The following KIF26B variants were observed in gnomAD, a reference collection of about 807,000 sequenced individuals.
KIF26B encodes kinesin family member 26B.
KIF26B carries 63 observed loss-of-function variants against 151.2 expected under a neutral mutation model. The ratio of observed to expected loss-of-function variants is 0.42; its 90% CI spans 0.34 to 0.51. The LOEUF is 0.51. Ranked by LOEUF, KIF26B falls within the 20% of genes least tolerant of loss-of-function variation. The pLI, the probability that KIF26B is intolerant of heterozygous loss-of-function variation, is 0.07. For missense variants in KIF26B, 2,813 were observed against 2,913.6 expected, an observed-to-expected ratio of 0.97 and a Z score of 0.79; for synonymous variants, 1,357 against 1,262.1, an observed-to-expected ratio of 1.08 and a Z score of -1.59.
intron 2 of KIF26B, among the ~76,000 whole-genome samples, chr1:245,225,578 C>T (rs1669857904): frequency 6.6e-6 from 1 of 152,200 alleles, no homozygotes; most frequent in Admixed American, 6.5e-5. Flanking sequence ...TTCTGTGGGG[C>T]TACCCTCACC....
intron 5 of KIF26B, among the ~76,000 whole-genome samples, chr1:245,570,328 T>C (rs2043055156): frequency 6.6e-6 from 1 of 152,196 alleles, no homozygotes; most frequent in Non-Finnish European, 1.5e-5. Flanking sequence ...AGCATCATTT[T>C]TGTGTTTCTT....
Position 245,373,728 on chromosome 1 carries a change from C to T in KIF26B, c.999+6361C>T, listed in dbSNP as rs548521695. 4.6e-5 allele frequency among the ~76,000 whole-genome samples: 7 copies of T among 152,088 alleles called. No individual in the cohort carries two copies. In the East Asian group the frequency reaches 5.8e-4, roughly 13 times the overall value. On this transcript the variant is annotated intron_variant, in intron 3 of 14. Transcript: ENST00000407071. ...TCTATTACAGCTTTAGAAATGATTG[C>T]GCCTATGAAGCACAGCCATTACTGG...
intron 10 of KIF26B, among the ~76,000 whole-genome samples, chr1:245,648,678 C>T (rs1444312967): frequency 3.9e-5 from 6 of 152,032 alleles, no homozygotes; most frequent in South Asian, 2.1e-4. Flanking sequence ...GTTCAAGCTT[C>T]GTGTTAATTA....
intron 2 of KIF26B, among the ~76,000 whole-genome samples, chr1:245,215,209 A>T (rs967827926): frequency 1.3e-5 from 2 of 152,020 alleles, no homozygotes; most frequent in African/African-American, 4.8e-5. Context: ...TGGGTGCCAG[A>T]TGGCAGCCAC....
intron 2 of KIF26B, among the ~76,000 whole-genome samples, chr1:245,295,847 T>C (rs1170548895): frequency 2.0e-5 from 3 of 152,084 alleles, no homozygotes; most frequent in African/African-American, 7.2e-5. Context: ...GAGGGTGGCT[T>C]GGGTGGATTT....
chr1:245,271,878 T>C lies in KIF26B; in HGVS notation c.466-94956T>C, dbSNP rs145241413. On this transcript the variant is annotated intron_variant, in intron 2 of 14. Transcript: ENST00000407071. ...TAATGCTAGCCTCAAAAAACAAGTT[T>C]GGAAGTGTTCCCTTCTCTTCATTTT... is the stretch of plus-strand genomic sequence containing the variant. Among the ~76,000 whole-genome samples, 884 of 152,324 alleles carry C rather than the reference T, an allele frequency of 5.8e-3. 14 individuals carry two copies. Among genetic ancestry groups the C allele is most frequent in the African/African-American group, 0.02 (829 of 41,588 alleles).
At chr1:245,376,170 C>T (rs567036615) in intron 3 of KIF26B, among the ~76,000 whole-genome samples, 143 of 152,274 alleles carry the variant, frequency 9.4e-4, no homozygotes, top group Admixed American at 1.5e-3. Flanking sequence ...GCCTTTTGAT[C>T]TGATAGAAGG....
At position 245,660,300 on chromosome 1, in the gene KIF26B, G is replaced by C. The variant is rs2044121172; in HGVS notation, c.2258+14020G>C. 1.4e-5 allele frequency among the ~76,000 whole-genome samples: 2 copies of C among 140,032 alleles called. 1 individual carries two copies. The highest frequency in any genetic ancestry group is 1.4e-4 in the Admixed American group (2 of 13,846). The allele number at this position is 140,032 out of a possible 152,430, so 91.9% of individuals were successfully genotyped here. ...CTAAGTACAGGGAAGTTCTGGGCAT[G>C]TTCATTTGCCATTTATTAATTTCTG... is the stretch of plus-strand genomic sequence containing the variant. On this transcript the variant is annotated intron_variant, in intron 10 of 14. Coordinates refer to ENST00000407071, the MANE Select transcript of KIF26B (RefSeq NM_018012.4).
At chr1:245,315,519 C>T (rs923346962) in intron 2 of KIF26B, among the ~76,000 whole-genome samples, 1 of 151,880 alleles carries the variant, frequency 6.6e-6, no homozygotes, top group Non-Finnish European at 1.5e-5. Flanking sequence ...GTCAGGAGTT[C>T]AAGACCAGCC....
intron 5 of KIF26B, among the ~76,000 whole-genome samples, chr1:245,565,446 G>A (rs570841120): frequency 2.6e-5 from 4 of 152,062 alleles, no homozygotes; most frequent in South Asian, 2.1e-4. Context: ...GCACCACCAC[G>A]CCCAGCTAAT....
At chr1:245,371,930 A>G (rs1435572319) in intron 3 of KIF26B, among the ~76,000 whole-genome samples, 1 of 152,244 alleles carries the variant, frequency 6.6e-6, no homozygotes, top group Non-Finnish European at 1.5e-5. Flanking sequence ...ATAGGAGATT[A>G]TAAGACGGGC....
Position 245,707,769 on chromosome 1 carries a change from C to A in KIF26B, c.*5163C>A, listed in dbSNP as rs1162425914. On this transcript the variant is annotated 3_prime_UTR_variant, in exon 15 of 15. Transcript: ENST00000407071. Reference sequence around the variant, plus strand: ...AGCAGCCAAATGGGAAAGATCCCTTCGTTTTGAATTTGATGAGAATGGGCT... The same window carrying A: ...AGCAGCCAAATGGGAAAGATCCCTTAGTTTTGAATTTGATGAGAATGGGCT... 6.6e-6 allele frequency: 1 copy of A among 152,172 alleles called. No homozygotes were observed. The highest frequency in any genetic ancestry group is 1.5e-5 in the Non-Finnish European group (1 of 68,046). 9.4% of individuals were successfully genotyped at this position (152,172 alleles called of 1,614,324 possible).
chr1:245,274,017 T>G (rs755814983), intron 2 of KIF26B, among the ~76,000 whole-genome samples: 8 of 152,178 alleles, frequency 5.3e-5, no homozygotes, highest in Non-Finnish European at 1.0e-4. Context: ...TTTTCTGTTG[T>G]GTATCGCCTA....
chr1:245,262,881 C>T (rs1455316805), intron 2 of KIF26B, among the ~76,000 whole-genome samples: 4 of 152,336 alleles, frequency 2.6e-5, no homozygotes, highest in Non-Finnish European at 5.9e-5. Context: ...GCCTCAACAC[C>T]AGTGACATTC....
chr1:245,207,061 C>G (rs1316888903), intron 2 of KIF26B, among the ~76,000 whole-genome samples: 2 of 152,106 alleles, frequency 1.3e-5, no homozygotes, highest in Non-Finnish European at 2.9e-5. Flanking sequence ...GCCTGTGTCC[C>G]TTAAGCCTAG....
At chr1:245,369,758 G>A (rs7538694) in intron 3 of KIF26B, among the ~76,000 whole-genome samples, 7,514 of 152,216 alleles carry the variant, frequency 0.049, 628 homozygotes, top group African/African-American at 0.17. Context: ...GTAAGCTGCC[G>A]ACATCTTTTC....
At chr1:245,684,914 G>C (rs754770054) in intron 11 of KIF26B, among the ~76,000 whole-genome samples, 3 of 152,186 alleles carry the variant, frequency 2.0e-5, no homozygotes, top group Non-Finnish European at 4.4e-5. Context: ...GACATCGCTG[G>C]GCTCATTTTC....
In KIF26B at chr1:245,314,020, T is replaced by G. The variant is rs142130396; in HGVS notation, c.466-52814T>G. 2.1e-3 allele frequency among the ~76,000 whole-genome samples: 316 copies of G among 152,316 alleles called. 2 individuals carry two copies. The highest frequency in any genetic ancestry group is 7.2e-3 in the African/African-American group (298 of 41,584). On this transcript the variant is annotated intron_variant, in intron 2 of 14. Transcript: ENST00000407071. ...TCCGCACCTGCTGTTCCCTCCGCTT[T>G]GAGGTATTTCCTCCTCACTCACGTC...
chr1:245,612,818 G>GGT (rs1160754555), intron 9 of KIF26B, among the ~76,000 whole-genome samples: 1 of 152,144 alleles, frequency 6.6e-6, no homozygotes, highest in Non-Finnish European at 1.5e-5. Context: ...ACCCAGGTAC[G>GGT]GTGCCTGCTC....
Sources: allele counts gnomAD v4.1 joint callset (sites outside exome capture counted in the v4.1 genomes callset), GRCh38; gene constraint gnomAD v4.1.1; transcripts MANE v1.5; gene names NCBI Gene and HGNC (gene_info 2026-07-23, HGNC 2026-07-21).